SLC39A12: variants seen among roughly 807,000 people sequenced by gnomAD.
SLC39A12 encodes zinc transporter ZIP12.
In SLC39A12, 63 loss-of-function variants were observed where a neutral mutation model predicts 71.1. The ratio of observed to expected loss-of-function variants is 0.89; its 90% CI spans 0.72 to 1.09. The LOEUF (loss-of-function observed/expected upper bound fraction) is 1.09. Ranked by LOEUF, SLC39A12 falls within the 50% of genes least tolerant of loss-of-function variation. The pLI is 0.00. For missense variants in SLC39A12, 892 were observed against 812.6 expected (o/e 1.10, Z -1.19); for synonymous variants, 351 against 301.3 (o/e 1.16, Z -1.71).
intron 12 of SLC39A12, among the ~76,000 whole-genome samples, chr10:18,015,740 C>T (rs1335523899): frequency 1.3e-5 from 2 of 151,796 alleles, no homozygotes; most frequent in African/African-American, 4.8e-5. Context: ...GGATGTGTAA[C>T]TCTTGTTAAG....
At chr10:18,012,900 CA>C (rs1458141322) in intron 12 of SLC39A12, among the ~76,000 whole-genome samples, 1 of 147,380 alleles carries the variant, frequency 6.8e-6, no homozygotes, top group East Asian at 2.0e-4. Context: ...TTAAATCCTG[CA>C]AAAATGGATT....
At chr10:17,992,018 G>C (rs939103350) in intron 8 of SLC39A12, among the ~76,000 whole-genome samples, 1 of 147,440 alleles carries the variant, frequency 6.8e-6, no homozygotes, top group Non-Finnish European at 1.5e-5. Context: ...GAACCCAAGA[G>C]GTAGAGGTTG....
At chr10:18,030,955 C>T (rs374960347) in intron 12 of SLC39A12, among the ~76,000 whole-genome samples, 3 of 151,840 alleles carry the variant, frequency 2.0e-5, no homozygotes, top group Non-Finnish European at 2.9e-5. Flanking sequence ...ATTTCATCCA[C>T]GTCCCTACAA....
At chr10:18,032,766 A>G (rs368873364) in intron 12 of SLC39A12, among the ~76,000 whole-genome samples, 2,269 of 151,052 alleles carry the variant, frequency 0.015, 21 homozygotes, top group South Asian at 0.034. Context: ...TGCCCATTCA[A>G]TATGATATTG....
intron 12 of SLC39A12, among the ~76,000 whole-genome samples, chr10:18,024,909 A>G (rs1353080483): frequency 2.0e-5 from 3 of 152,210 alleles, no homozygotes; most frequent in Admixed American, 2.0e-4. Flanking sequence ...TCAGTCTGAA[A>G]TTTAAGATCG....
chr10:17,989,626 A>G (rs1306716556), intron 7 of SLC39A12, among the ~76,000 whole-genome samples: 2 of 151,988 alleles, frequency 1.3e-5, no homozygotes, highest in East Asian at 3.9e-4. Context: ...TTGCTTAAGG[A>G]AAGAGACAAG....
rs1589229589 is a variant in SLC39A12, at chr10:17,981,368, C to A, written c.981C>A (p.Leu327=). 6.2e-7 allele frequency: 1 copy of A among 1,613,464 alleles called. No homozygotes were observed. The highest frequency in any genetic ancestry group is 1.1e-5 in the South Asian group (1 of 90,938). ...VEIFLQKGLS[L]ISKEDFKQMS... ...TATTTCTACAGAAGGGCCTCTCACT[C>A]ATTTCTAAGGAGGACTTTAAGCAAA... is the stretch of plus-strand genomic sequence containing the variant. The change falls in exon 6 of 13, where the codon CTC becomes CTA. Residue 327 remains leucine, a synonymous_variant. Transcript: ENST00000377369.
chr10:18,026,249 A>G (rs1382581022), intron 12 of SLC39A12, among the ~76,000 whole-genome samples: 4 of 152,146 alleles, frequency 2.6e-5, no homozygotes, highest in African/African-American at 9.7e-5. Context: ...CTGGCAACAA[A>G]CAAATTCCCT....
intron 12 of SLC39A12, among the ~76,000 whole-genome samples, chr10:18,028,320 T>G (rs1280921508): frequency 6.6e-6 from 1 of 152,236 alleles, no homozygotes; most frequent in Non-Finnish European, 1.5e-5. Flanking sequence ...TTGGAAGCAT[T>G]GGAGGCTGAT....
chr10:17,982,825 C>T (rs886744254), intron 6 of SLC39A12, among the ~76,000 whole-genome samples: 5 of 152,042 alleles, frequency 3.3e-5, no homozygotes, highest in Admixed American at 2.0e-4. Flanking sequence ...TGTCTCCTCT[C>T]GAATGAACTT....
chr10:17,988,485 C>T (rs1835460883), intron 7 of SLC39A12, among the ~76,000 whole-genome samples: 1 of 152,168 alleles, frequency 6.6e-6, no homozygotes, highest in Admixed American at 6.5e-5. Flanking sequence ...ATGCTGACAC[C>T]ATGCTTCCTG....
intron 12 of SLC39A12, among the ~76,000 whole-genome samples, chr10:18,012,736 G>T (rs192008889): frequency 6.6e-6 from 1 of 151,876 alleles, no homozygotes; most frequent in Non-Finnish European, 1.5e-5. Flanking sequence ...GCGTGGTGGC[G>T]CACACCTGTA....
chr10:18,029,711 T>A (rs560037527), intron 12 of SLC39A12, among the ~76,000 whole-genome samples: 129 of 152,230 alleles, frequency 8.5e-4, no homozygotes, highest in Non-Finnish European at 1.5e-3. Flanking sequence ...TAACAGGACT[T>A]AACTGCCCTG....
intron 2 of SLC39A12, among the ~76,000 whole-genome samples, chr10:17,961,192 T>C (rs1834679539): frequency 6.6e-6 from 1 of 152,180 alleles, no homozygotes; most frequent in Non-Finnish European, 1.5e-5. Flanking sequence ...AGTGAGATGC[T>C]GGACCAAGGC....
At chr10:18,015,251 A>G (rs1836343274) in intron 12 of SLC39A12, among the ~76,000 whole-genome samples, 2 of 152,150 alleles carry the variant, frequency 1.3e-5, no homozygotes, top group South Asian at 4.1e-4. Context: ...TGTTTAATGG[A>G]AAGACTGTTA....
In SLC39A12 at chr10:18,036,774, A is replaced by T. The variant is rs1383355357; in HGVS notation, c.1948-5931A>T. ...TATATATATATATATATATATATAT[A>T]TATATATATATATATATATATTTTT... On this transcript the variant is annotated intron_variant, in intron 12 of 12. Coordinates refer to ENST00000377369, the MANE Select transcript of SLC39A12 (RefSeq NM_001145195.2). Among the ~76,000 whole-genome samples the T allele has an allele frequency of 5.9e-3, 53 of 8,926 alleles. 1 individual carries two copies. Among genetic ancestry groups the T allele is most frequent in the African/African-American group, 0.014 (37 of 2,664 alleles). The allele number at this position is 8,926 out of a possible 152,430, so 5.9% of individuals were successfully genotyped here.
chr10:17,999,961 A>T (rs932578457), intron 10 of SLC39A12, among the ~76,000 whole-genome samples: 3 of 152,196 alleles, frequency 2.0e-5, no homozygotes, highest in Admixed American at 6.5e-5. Flanking sequence ...AATACACTCC[A>T]TTTTAATGAC....
chr10:17,996,142 C>G (rs1835677760), intron 10 of SLC39A12, among the ~76,000 whole-genome samples: 1 of 152,182 alleles, frequency 6.6e-6, no homozygotes, highest in Non-Finnish European at 1.5e-5. Context: ...TCTTATTTAT[C>G]ATACTGTCAT....
In SLC39A12 at chr10:18,033,138, T is replaced by C. The variant is rs1175024018; in HGVS notation, c.1948-9567T>C. On this transcript the variant is annotated intron_variant, in intron 12 of 12. Transcript: ENST00000377369. ...TTTTTGGTTGTGTCTCTGCCCGGCT[T>C]TGGTATCAGAATGATGCTGGCCTCA... Among the ~76,000 whole-genome samples the C allele has an allele frequency of 5.0e-5, 7 of 140,374 alleles. No individual in the cohort carries two copies. In the South Asian group the frequency reaches 7.3e-4, roughly 15 times the overall value. The allele number at this position is 140,374 out of a possible 152,430, so 92.1% of individuals were successfully genotyped here. A position where few individuals can be genotyped will look rare whatever the true frequency, so the allele number is the denominator to read the frequency against.
Sources: gnomAD v4.1 joint callset for allele counts (sites outside exome capture counted in the v4.1 genomes callset) on GRCh38, gnomAD v4.1.1 for gene constraint, MANE v1.5 for transcripts, NCBI Gene and HGNC (gene_info 2026-07-23, HGNC 2026-07-21) for gene names.